The following EVC2 variants were observed in gnomAD, a reference collection of about 807,000 sequenced individuals.
EVC2 encodes the protein EvC ciliary complex subunit 2.
In EVC2, 148 loss-of-function variants were observed where a neutral mutation model predicts 149.3. That is an observed-to-expected ratio of 0.99 (90% CI 0.87 to 1.14). The LOEUF is 1.14. Among genes scored for constraint, EVC2 ranks in the 50% most tolerant of loss-of-function variants. EVC2 has a pLI of 0.00. For missense variants in EVC2, 1,854 were observed against 1,627.3 expected (o/e 1.14, Z -2.40); for synonymous variants, 776 against 649.9 (o/e 1.19, Z -2.95).
Position 5,568,466 on chromosome 4 carries a change from G to T in EVC2, c.3535C>A (p.Gln1179Lys). 1 of 1,569,892 alleles carries T rather than the reference G, an allele frequency of 6.4e-7. No individual in the cohort carries two copies. Reference protein sequence around the residue: ...HAAESDGGAEQADVGRRRKHQ... With the variant: ...HAAESDGGAEKADVGRRRKHQ... ...CACCTCCGCCTGCCCACGTCGGCCTGCTCCGCTCCGCCATCGCTCTCAGCT... is the reference window on the plus strand; with the variant it reads ...CACCTCCGCCTGCCCACGTCGGCCTTCTCCGCTCCGCCATCGCTCTCAGCT... Residue 1179 changes from glutamine (Q) to lysine (K), a missense_variant, in exon 20 of 22, where the codon CAG becomes AAG. Physicochemically the swap from Gln to Lys is moderately conservative, Grantham distance 53 (BLOSUM62 1). Transcript: ENST00000344408.
Position 5,568,631 on chromosome 4 carries a change from G to C in EVC2, c.3370C>G (p.Leu1124Val). Residue 1124 changes from leucine to valine, a missense_variant, in exon 20 of 22, where the codon CTG becomes GTG. Leu to Val is a conservative substitution (Grantham distance 32). Transcript: ENST00000344408. ...GCCATCCTCGCCAGGTACGATGCCA[G>C]TCTCAGCTCCTACAGGAAACAACAG... is the stretch of plus-strand genomic sequence containing the variant. ...FATLCSQELR[L>V]ASYLARMAMV... 3 of 1,607,898 alleles carry C rather than the reference G, an allele frequency of 1.9e-6. No individual in the cohort carries two copies. Among genetic ancestry groups the C allele is most frequent in the Non-Finnish European group, 2.5e-6 (3 of 1,179,784 alleles).
chr4:5,595,028 A>G (rs953531831), intron 16 of EVC2, among the ~76,000 whole-genome samples: 4 of 152,162 alleles, frequency 2.6e-5, no homozygotes, highest in Non-Finnish European at 5.9e-5. Flanking sequence ...AAAAAGAATA[A>G]AAAGAAACGA....
rs1339855387 is a variant in EVC2 at position 5,696,481 on chromosome 4, C to A, written c.283+1112G>T. On this transcript the variant is annotated intron_variant, in intron 2 of 21. Coordinates refer to ENST00000344408, the MANE Select transcript of EVC2 (RefSeq NM_147127.5). This position sits in a 1 kb window ranked among gnomAD's most constrained non-coding sequence, Gnocchi z 4.1. ...CCCAGGGATAGGTTCAGGGACAGGC[C>A]GGGGACCCACGCTGAGCCCAGGGGC... Among the ~76,000 whole-genome samples, 2 of 152,156 alleles carry A rather than the reference C, an allele frequency of 1.3e-5. No individual in the cohort carries two copies. The highest frequency in any genetic ancestry group is 4.8e-5 in the African/African-American group (2 of 41,438).
Position 5,685,524 on chromosome 4 carries a change from G to A in EVC2, c.707-45C>T, listed in dbSNP as rs116453365. 1,267 of 1,522,222 alleles carry A rather than the reference G, an allele frequency of 8.3e-4. 7 individuals carry two copies. The African/African-American group carries it at 0.014, about 17-fold the overall frequency. The allele number at this position is 1,522,222 out of a possible 1,614,324, so 94.3% of individuals were successfully genotyped here. On this transcript the variant is annotated intron_variant, in intron 5 of 21. Coordinates refer to ENST00000344408, the MANE Select transcript of EVC2 (RefSeq NM_147127.5). The stretch of plus-strand genomic sequence containing the variant: ...TGTGACTCAGGGAGGGCTTGGCCAC[G>A]CCCCCGGCTGCACCCCACCACACCC...
intron 16 of EVC2, among the ~76,000 whole-genome samples, chr4:5,609,254 T>C (rs1233321233): frequency 6.6e-6 from 1 of 152,210 alleles, no homozygotes; most frequent in Non-Finnish European, 1.5e-5. Context: ...TCTGTTTCTC[T>C]GGAAAACCAT....
chr4:5,650,581 C>T (rs886627825), intron 9 of EVC2, among the ~76,000 whole-genome samples: 3 of 136,438 alleles, frequency 2.2e-5, no homozygotes, highest in East Asian at 2.2e-4. Context: ...GTGCCTCTTA[C>T]GATCAGGCTT....
intron 16 of EVC2, 150 bp from the exon 17 acceptor site, chr4:5,585,000 C>A: frequency 3.6e-6 from 3 of 844,620 alleles, no homozygotes; most frequent in South Asian, 1.5e-5. Flanking sequence ...CTGCAGGGAG[C>A]AACATCAGAA....
rs1716937021 is a variant in EVC2, at chr4:5,637,128, G to A, written c.1470+3386C>T. Among the ~76,000 whole-genome samples the A allele has an allele frequency of 6.6e-6, 1 of 152,190 alleles. No individual in the cohort carries two copies. Among genetic ancestry groups the A allele is most frequent in the Non-Finnish European group, 1.5e-5 (1 of 68,036 alleles). ...GGAAGCCCTGAGGAGGAGAGGGACT[G>A]CGTGACAGATGGGAGTAGGGCACCG... On this transcript the variant is annotated intron_variant, in intron 10 of 21. Coordinates refer to ENST00000344408, the MANE Select transcript of EVC2 (RefSeq NM_147127.5). The surrounding 1 kb of genome is among the most constrained non-coding windows in gnomAD (Gnocchi z 4.4).
intron 11 of EVC2, 133 bp downstream of exon 11, chr4:5,631,660 A>C (rs1248260346): frequency 1.2e-5 from 15 of 1,275,952 alleles, no homozygotes; most frequent in Non-Finnish European, 1.6e-5. Context: ...AAACTCACAC[A>C]CCAAGAGATA....
intron 9 of EVC2, among the ~76,000 whole-genome samples, chr4:5,658,750 A>C (rs572093372): frequency 6.6e-6 from 1 of 152,358 alleles, no homozygotes; most frequent in Non-Finnish European, 1.5e-5. Context: ...TTAGGGAAAA[A>C]CCAATAAATC....
chr4:5,566,288 G>C (rs1167542393), intron 20 of EVC2, among the ~76,000 whole-genome samples: 1 of 152,204 alleles, frequency 6.6e-6, no homozygotes, highest in Non-Finnish European at 1.5e-5. Flanking sequence ...TGCCTTGGCG[G>C]CTCACACCTG....
At chr4:5,542,149 C>T (rs970664751), downstream of EVC2, among the ~76,000 whole-genome samples, 2 of 152,162 alleles carry the variant, frequency 1.3e-5, no homozygotes, top group African/African-American at 2.4e-5. Context: ...ACCATGCCGG[C>T]ACCCTGATTT....
chr4:5,552,350 C>A (rs545386307), intron 21 of EVC2, among the ~76,000 whole-genome samples: 3 of 152,202 alleles, frequency 2.0e-5, no homozygotes, highest in Admixed American at 2.0e-4. Flanking sequence ...TAAAGCTGAG[C>A]CATATAGTGC....
rs2108829097 is a variant in EVC2 at position 5,615,550 on chromosome 4, G to A, written c.2707-6C>T. On this transcript the variant is annotated splice_region_variant and splice_polypyrimidine_tract_variant and intron_variant, in intron 15 of 21. Transcript: ENST00000344408. Reference sequence around the variant, plus strand: ...TTTCTCACCTTGGACTGTTGCTGGAGAGGGGTTGGGGAAGACGTGGGTAAG... The same window carrying A: ...TTTCTCACCTTGGACTGTTGCTGGAAAGGGGTTGGGGAAGACGTGGGTAAG... The A allele has an allele frequency of 6.2e-7, 1 of 1,614,158 alleles. No individual in the cohort carries two copies. The highest frequency in any genetic ancestry group is 2.2e-5 in the East Asian group (1 of 44,880).
chr4:5,664,511 T>G (rs1719122482), intron 8 of EVC2, among the ~76,000 whole-genome samples: 1 of 152,300 alleles, frequency 6.6e-6, no homozygotes, highest in South Asian at 2.1e-4. Flanking sequence ...TTCTGATTGA[T>G]AACAGCTTTG....
At chr4:5,685,518 G>C in intron 5 of EVC2, 39 bp from the exon 6 acceptor site, 1 of 1,584,994 alleles carries the variant, frequency 6.3e-7, no homozygotes, top group East Asian at 2.2e-5. Flanking sequence ...GGGAGGGCTT[G>C]GCCACGCCCC....
chr4:5,550,879 C>T (rs1307052914), intron 21 of EVC2, among the ~76,000 whole-genome samples: 1 of 152,250 alleles, frequency 6.6e-6, no homozygotes, highest in Non-Finnish European at 1.5e-5. Context: ...AAGGGGCCAA[C>T]ATAGAGCTCA....
At chr4:5,665,779 T>C (rs931393590) in intron 7 of EVC2, 130 bp from the exon 8 acceptor site, 8 of 1,426,772 alleles carry the variant, frequency 5.6e-6, no homozygotes, top group Non-Finnish European at 7.7e-6. Context: ...AGTCTCGCTC[T>C]GCCAGCTACC....
At chr4:5,641,341 A>C (rs1577196031) in intron 9 of EVC2, among the ~76,000 whole-genome samples, 1 of 152,352 alleles carries the variant, frequency 6.6e-6, no homozygotes, top group East Asian at 1.9e-4. Flanking sequence ...ACACTGTATC[A>C]ACGTTGATTT....
Sources: gnomAD v4.1 joint callset for allele counts (sites outside exome capture counted in the v4.1 genomes callset) on GRCh38, gnomAD v4.1.1 for gene constraint, Gnocchi (gnomAD v3.1) non-coding constraint, MANE v1.5 for transcripts, NCBI Gene and HGNC (gene_info 2026-07-23, HGNC 2026-07-21) for gene names.